Variants in MCTP1 observed in about 807,000 individuals in gnomAD.
MCTP1 encodes multiple C2 and transmembrane domain-containing protein 1.
A neutral mutation model predicts 120.6 loss-of-function variants in MCTP1; 69 were observed. That is an observed-to-expected ratio of 0.57 (90% CI 0.47 to 0.70). MCTP1 has a LOEUF of 0.70. Among genes scored for constraint, MCTP1 ranks in the 30% least tolerant of loss-of-function variants. The pLI, the probability that MCTP1 is intolerant of heterozygous loss-of-function variation, is 0.00. For synonymous variants in MCTP1, 529 were observed against 493.1 expected (o/e 1.07, Z -0.96); for missense variants, 1,203 against 1,248.8 (o/e 0.96, Z 0.55).
intron 21 of MCTP1, 44 bp downstream of exon 21, chr5:94,710,774 T>TA (rs1213065768): frequency 7.8e-7 from 1 of 1,280,714 alleles, no homozygotes; most frequent in Non-Finnish European, 1.1e-6. Context: ...AGTTTGTTCT[T>TA]AGCAGCTAAG....
chr5:95,014,743 G>A (rs1836746843), intron 2 of MCTP1, among the ~76,000 whole-genome samples: 1 of 152,028 alleles, frequency 6.6e-6, no homozygotes, highest in African/African-American at 2.4e-5. Context: ...AGTTGATAAA[G>A]CAACAGCAGG....
At chr5:94,817,988 C>T (rs768347827) in intron 17 of MCTP1, among the ~76,000 whole-genome samples, 1 of 152,146 alleles carries the variant, frequency 6.6e-6, no homozygotes, top group African/African-American at 2.4e-5. Context: ...TCAGCTGCTC[C>T]TGGTTATACT....
intron 19 of MCTP1, among the ~76,000 whole-genome samples, chr5:94,744,350 C>T (rs1766368733): frequency 6.6e-6 from 1 of 152,200 alleles, no homozygotes; most frequent in African/African-American, 2.4e-5. Flanking sequence ...TTAGCAGCCT[C>T]TGTACTTCTA....
At chr5:94,990,430 C>T (rs768120048) in intron 2 of MCTP1, among the ~76,000 whole-genome samples, 4 of 152,128 alleles carry the variant, frequency 2.6e-5, no homozygotes, top group Admixed American at 2.0e-4. Flanking sequence ...CAGTTCTTTA[C>T]GGTTGTAGAA....
In MCTP1 at chr5:94,940,002, TTTA is replaced by T. The variant is rs2153501909; in HGVS notation, c.1173+79_1173+81del. On this transcript the variant is annotated intron_variant, in intron 5 of 22. Transcript: ENST00000515393. The stretch of plus-strand genomic sequence containing the variant: ...GGCATATTTTCATAGGCAGCTTCTC[TTTA>T]TTATCATCTCTGGGTCCAGAGAAAG... The T allele has an allele frequency of 9.6e-6, 7 of 730,334 alleles. No homozygotes were observed. In the South Asian group the frequency reaches 1.7e-4, roughly 18 times the overall value. 45.2% of individuals were successfully genotyped at this position (730,334 alleles called of 1,614,324 possible).
Position 94,812,598 on chromosome 5 carries a change from A to G in MCTP1, c.2437-13466T>C, listed in dbSNP as rs146991848. Among the ~76,000 whole-genome samples the G allele has an allele frequency of 1.7e-4, 26 of 152,206 alleles. 1 individual carries two copies. The highest frequency in any genetic ancestry group is 6.3e-4 in the African/African-American group (26 of 41,550). On this transcript the variant is annotated intron_variant, in intron 17 of 22. Transcript: ENST00000515393. ...TAACGTAAAATGAAACTATCTTTAA[A>G]AGTAATAAAATTACTATATACAGAA... is the stretch of plus-strand genomic sequence containing the variant.
chr5:95,113,799 G>T (rs1255535411), intron 1 of MCTP1, among the ~76,000 whole-genome samples: 3 of 152,286 alleles, frequency 2.0e-5, no homozygotes, highest in African/African-American at 7.2e-5. Flanking sequence ...CCTGAGACAC[G>T]AGCCAGGGTA....
chr5:94,945,239 T>G (rs1439493035), intron 3 of MCTP1, among the ~76,000 whole-genome samples: 1 of 152,188 alleles, frequency 6.6e-6, no homozygotes, highest in African/African-American at 2.4e-5. Flanking sequence ...AGGTAACAGG[T>G]AGAAGTTGCT....
rs575661089 is a variant in MCTP1, at chr5:95,207,784, C to T, written c.720+76072G>A. 7.0e-4 allele frequency among the ~76,000 whole-genome samples: 107 copies of T among 151,864 alleles called. 1 individual carries two copies. Among genetic ancestry groups the T allele is most frequent in the African/African-American group, 2.5e-3 (105 of 41,396 alleles). On this transcript the variant is annotated intron_variant, in intron 1 of 22. Coordinates refer to ENST00000515393, the MANE Select transcript of MCTP1 (RefSeq NM_024717.7). ...AATGTGATTGAGAAAGAGAGAGAAG[C>T]TGAAGGAGAAAACAGGAATGAAAGT... is the stretch of plus-strand genomic sequence containing the variant.
In MCTP1 at chr5:95,102,972, T is replaced by C. The variant is rs577011068; in HGVS notation, c.721-85488A>G. The stretch of plus-strand genomic sequence containing the variant: ...CAGCAATAACCACTTCTCTAAGTCT[T>C]AGTTTCCTTAGCAAAATAGGATGGG... On this transcript the variant is annotated intron_variant, in intron 1 of 22. Coordinates refer to ENST00000515393, the MANE Select transcript of MCTP1 (RefSeq NM_024717.7). Among the ~76,000 whole-genome samples, 15 of 152,312 alleles carry C rather than the reference T, an allele frequency of 9.8e-5. No homozygotes were observed. In the South Asian group the frequency reaches 1.2e-3, roughly 13 times the overall value.
intron 19 of MCTP1, among the ~76,000 whole-genome samples, chr5:94,740,075 G>A (rs576946413): frequency 5.3e-5 from 8 of 152,282 alleles, no homozygotes; most frequent in East Asian, 3.9e-4. Context: ...AATCATACAC[G>A]TATTGGAAAT....
chr5:94,728,161 G>A (rs774291281), intron 19 of MCTP1, among the ~76,000 whole-genome samples: 3 of 152,214 alleles, frequency 2.0e-5, no homozygotes, highest in East Asian at 1.9e-4. Context: ...TTATGATAAC[G>A]TTGGTTACTT....
intron 3 of MCTP1, among the ~76,000 whole-genome samples, chr5:94,952,648 G>A (rs149328781): frequency 3.3e-5 from 5 of 152,210 alleles, no homozygotes; most frequent in African/African-American, 1.2e-4. Context: ...ATAAAACAAG[G>A]AATAGGGCTC....
chr5:94,871,286 G>T, intron 14 of MCTP1, 29 bp downstream of exon 14: 6 of 1,266,042 alleles, frequency 4.7e-6, no homozygotes, highest in Non-Finnish European at 6.9e-6. Context: ...AAGCAACACA[G>T]AACAGTGTGT....
chr5:94,796,548 C>T (rs1292566807), intron 18 of MCTP1, among the ~76,000 whole-genome samples: 3 of 133,188 alleles, frequency 2.3e-5, no homozygotes, highest in South Asian at 4.6e-4. Flanking sequence ...TCCCTAAATT[C>T]GTATATATGT....
intron 17 of MCTP1, among the ~76,000 whole-genome samples, chr5:94,828,101 T>C (rs1003319217): frequency 6.6e-6 from 1 of 152,218 alleles, no homozygotes; most frequent in Non-Finnish European, 1.5e-5. Flanking sequence ...TGGACTTATC[T>C]ACCTTTGGTC....
chr5:95,176,926 G>A (rs1748058684), intron 1 of MCTP1, among the ~76,000 whole-genome samples: 1 of 151,436 alleles, frequency 6.6e-6, no homozygotes, highest in Admixed American at 6.6e-5. Flanking sequence ...GTGCAGTGGT[G>A]CAATCTCCGC....
chr5:94,920,746 T>TCTCA, intron 7 of MCTP1, among the ~76,000 whole-genome samples: 1 of 90,990 alleles, frequency 1.1e-5, no homozygotes, highest in Middle Eastern at 6.4e-3. Context: ...CGTCTCAAAA[T>TCTCA]AAATAAATAA....
intron 1 of MCTP1, among the ~76,000 whole-genome samples, chr5:95,212,040 G>A (rs1582546973): frequency 1.3e-5 from 2 of 152,212 alleles, no homozygotes; most frequent in African/African-American, 2.4e-5. Flanking sequence ...AGGAGATAGA[G>A]ACACAAAAAA....
Sources: allele counts gnomAD v4.1 joint callset (sites outside exome capture counted in the v4.1 genomes callset), GRCh38; gene constraint gnomAD v4.1.1; transcripts MANE v1.5; gene names NCBI Gene and HGNC (gene_info 2026-07-23, HGNC 2026-07-21).